Variants in LRP1B observed in about 807,000 individuals in gnomAD.
LRP1B encodes the protein low-density lipoprotein receptor-related protein 1B.
A neutral mutation model predicts 556.6 loss-of-function variants in LRP1B; 217 were observed. The ratio of observed to expected loss-of-function variants is 0.39; its 90% confidence interval spans 0.35 to 0.44. The LOEUF is 0.44. LRP1B is among the 20% of genes least tolerant of loss of function. LRP1B has a pLI of 1.00. For missense variants in LRP1B, 5,053 were observed against 5,620.8 expected (o/e 0.90, Z 3.23); for synonymous variants, 2,047 against 1,865.8 (o/e 1.10, Z -2.50).
intron 57 of LRP1B, among the ~76,000 whole-genome samples, chr2:140,489,237 T>C (rs1210587308): frequency 6.6e-6 from 1 of 152,004 alleles, no homozygotes. Context: ...AGCAATCTCA[T>C]TTTCTTGAGG....
chr2:141,825,915 C>T (rs975056189), intron 1 of LRP1B, among the ~76,000 whole-genome samples: 7 of 152,240 alleles, frequency 4.6e-5, no homozygotes, highest in African/African-American at 1.7e-4. Flanking sequence ...TATACCAATG[C>T]TTGTTCATTT....
At chr2:141,600,588 T>G (rs56105167) in intron 2 of LRP1B, among the ~76,000 whole-genome samples, 3,727 of 152,152 alleles carry the variant, frequency 0.024, 148 homozygotes, top group African/African-American at 0.085. Context: ...CACCATTAGA[T>G]CCAGAGCCAA....
intron 18 of LRP1B, among the ~76,000 whole-genome samples, chr2:140,979,827 C>A (rs13032615): frequency 0.14 from 21,018 of 151,984 alleles, 1,460 homozygotes; most frequent in Middle Eastern, 0.2. Context: ...TATTTATTAG[C>A]TTTGTGTTCT....
chr2:141,788,353 T>C (rs1242625571), intron 2 of LRP1B, among the ~76,000 whole-genome samples: 1 of 151,958 alleles, frequency 6.6e-6, no homozygotes, highest in Non-Finnish European at 1.5e-5. Context: ...TCCCATAAAC[T>C]GGATTGTTTG....
chr2:140,269,558 G>T (rs572437557), intron 86 of LRP1B, among the ~76,000 whole-genome samples: 2 of 152,124 alleles, frequency 1.3e-5, no homozygotes, highest in East Asian at 3.9e-4. Context: ...GGAGCAGGAT[G>T]CAGATGTGGG....
intron 3 of LRP1B, among the ~76,000 whole-genome samples, chr2:141,438,133 T>A (rs1680830412): frequency 6.6e-6 from 1 of 152,168 alleles, no homozygotes; most frequent in Admixed American, 6.5e-5. Flanking sequence ...CTAGGCATCT[T>A]CTTTTCCTGC....
chr2:141,027,581 C>T (rs555935142), intron 11 of LRP1B, among the ~76,000 whole-genome samples: 10 of 152,166 alleles, frequency 6.6e-5, no homozygotes, highest in South Asian at 2.1e-4. Context: ...TATGAAAAAA[C>T]GGCTGATATT....
chr2:140,329,760 A>G (rs956042895), intron 79 of LRP1B, among the ~76,000 whole-genome samples: 43 of 152,076 alleles, frequency 2.8e-4, no homozygotes, highest in African/African-American at 1.0e-3. Flanking sequence ...ACAAGATGAA[A>G]AAAACCTACC....
intron 43 of LRP1B, among the ~76,000 whole-genome samples, chr2:140,598,269 C>T (rs920041237): frequency 6.6e-6 from 1 of 152,116 alleles, no homozygotes; most frequent in African/African-American, 2.4e-5. Flanking sequence ...TTTCTTTTAT[C>T]CTGGGACAAC....
At chr2:141,937,527 C>T (rs924514917) in intron 1 of LRP1B, among the ~76,000 whole-genome samples, 3 of 151,736 alleles carry the variant, frequency 2.0e-5, no homozygotes, top group African/African-American at 4.8e-5. Context: ...TTCCCAAGAT[C>T]GTCTATCATT....
At chr2:140,701,168 T>A (rs1049128897) in intron 40 of LRP1B, among the ~76,000 whole-genome samples, 10 of 124,548 alleles carry the variant, frequency 8.0e-5, no homozygotes, top group African/African-American at 2.7e-4. Flanking sequence ...ATCTCCAACA[T>A]TATTATAACT....
At chr2:141,877,067 A>G (rs1233828710) in intron 1 of LRP1B, among the ~76,000 whole-genome samples, 2 of 152,038 alleles carry the variant, frequency 1.3e-5, no homozygotes, top group Non-Finnish European at 2.9e-5. Flanking sequence ...TAATTTTAGT[A>G]TTATTTAATG....
At chr2:141,925,810 T>C (rs1700320395) in intron 1 of LRP1B, among the ~76,000 whole-genome samples, 1 of 152,198 alleles carries the variant, frequency 6.6e-6, no homozygotes, top group Non-Finnish European at 1.5e-5. Context: ...CTGCAAAGCC[T>C]AGCAGAAAGA....
intron 84 of LRP1B, among the ~76,000 whole-genome samples, chr2:140,287,190 A>G (rs1023812348): frequency 4.6e-5 from 7 of 151,848 alleles, no homozygotes; most frequent in African/African-American, 1.7e-4. Flanking sequence ...ATCCACTGAA[A>G]TTGTTTTAAA....
At chr2:141,817,442 T>C (rs925516957) in intron 1 of LRP1B, among the ~76,000 whole-genome samples, 1 of 152,116 alleles carries the variant, frequency 6.6e-6, no homozygotes, top group African/African-American at 2.4e-5. Flanking sequence ...CTTAGTATAA[T>C]TACCCTTCTG....
intron 43 of LRP1B, among the ~76,000 whole-genome samples, chr2:140,580,388 C>G (rs1354507563): frequency 6.6e-6 from 1 of 152,112 alleles, no homozygotes; most frequent in Admixed American, 6.6e-5. Flanking sequence ...CATTAAAAGG[C>G]CCTGTGTTGC....
intron 63 of LRP1B, among the ~76,000 whole-genome samples, chr2:140,448,136 G>C (rs72897874): frequency 0.24 from 36,502 of 151,980 alleles, 4,708 homozygotes; most frequent in Non-Finnish European, 0.28. Context: ...TGACCACATG[G>C]TGTTGAAAAA....
chr2:141,675,997 A>C (rs1690860354), intron 2 of LRP1B, among the ~76,000 whole-genome samples: 1 of 152,114 alleles, frequency 6.6e-6, no homozygotes, highest in Non-Finnish European at 1.5e-5. Flanking sequence ...CACATCTCCC[A>C]AAAATGGCTA....
chr2:140,421,966 C>G (rs937489004), intron 66 of LRP1B, among the ~76,000 whole-genome samples: 6 of 152,176 alleles, frequency 3.9e-5, no homozygotes, highest in African/African-American at 1.4e-4. Flanking sequence ...ACAGAAATGT[C>G]AGTGGGTCTA....
Sources: allele counts gnomAD v4.1 joint callset (sites outside exome capture counted in the v4.1 genomes callset), GRCh38; gene constraint gnomAD v4.1.1; transcripts MANE v1.5; gene names NCBI Gene and HGNC (gene_info 2026-07-23, HGNC 2026-07-21).